SIPA1L3: variants seen among roughly 807,000 people sequenced by gnomAD.
SIPA1L3 encodes the protein signal-induced proliferation-associated 1-like protein 3.
A neutral mutation model predicts 150.1 loss-of-function variants in SIPA1L3; 59 were observed. That is an observed-to-expected ratio of 0.39 (90% CI 0.32 to 0.49). The LOEUF (loss-of-function observed/expected upper bound fraction) is 0.49, where lower values mean the gene tolerates loss of function less well. SIPA1L3 is among the 20% of genes least tolerant of loss of function. SIPA1L3 has a pLI of 0.86. For missense variants in SIPA1L3, 2,211 were observed against 2,489.5 expected (o/e 0.89, Z 2.38); for synonymous variants, 1,070 against 1,077.6 (o/e 0.99, Z 0.14).
At chr19:38,068,081 G>A (rs1969636537) in intron 2 of SIPA1L3, among the ~76,000 whole-genome samples, 1 of 149,826 alleles carries the variant, frequency 6.7e-6, no homozygotes, top group South Asian at 2.1e-4. Flanking sequence ...GGAGTGCAGT[G>A]GCGCTATCTC....
In SIPA1L3 at chr19:38,082,035, G is replaced by C. The variant is rs568548537; in HGVS notation, c.470G>C (p.Arg157Pro). ...KDVEFQDGWP[R>P]SPGRAFLPLR... is the part of the protein sequence containing the mutation. The stretch of plus-strand genomic sequence containing the variant: ...GTGGAGTTCCAGGACGGGTGGCCCC[G>C]GTCCCCCGGCAGGGCCTTCCTCCCC... Residue 157 changes from arginine (R) to proline (P), a missense_variant, in exon 3 of 22, where the codon CGG (arginine) becomes CCG (proline). Arg to Pro is a moderately radical substitution (Grantham distance 103). Around this residue, in one of 5 missense-constraint regions of SIPA1L3, gnomAD observed 587 missense variants for 534.5 expected, o/e 1.10. Transcript: ENST00000222345. 1 of 1,613,904 alleles carries C rather than the reference G, an allele frequency of 6.2e-7. No individual in the cohort carries two copies. Among genetic ancestry groups the C allele is most frequent in the Non-Finnish European group, 8.5e-7 (1 of 1,180,004 alleles).
chr19:38,192,455 G>A (rs1044337972), intron 17 of SIPA1L3, 145 bp downstream of exon 17: 1 of 730,974 alleles, frequency 1.4e-6, no homozygotes, highest in Non-Finnish European at 2.2e-6. Flanking sequence ...TGCCAGTCCT[G>A]TTGGGGGCTA....
In SIPA1L3 at chr19:38,141,361, C is replaced by T; in HGVS notation, c.3321C>T (p.Ala1107=). 32 of 1,613,988 alleles carry T rather than the reference C, an allele frequency of 2.0e-5. No individual in the cohort carries two copies. Among genetic ancestry groups the T allele is most frequent in the Non-Finnish European group, 2.6e-5 (31 of 1,180,010 alleles). Residue 1107 remains alanine, a synonymous_variant, in exon 11 of 22, where the codon GCC becomes GCT. Transcript: ENST00000222345. Reference sequence around the variant, plus strand: ...CCACTCCAACCACTCCCGGCCATGCCCAGTCCCTGAGCCGGCCCCTGAAGC... The same window carrying T: ...CCACTCCAACCACTCCCGGCCATGCTCAGTCCCTGAGCCGGCCCCTGAAGC... ...KWATPTTPGH[A]QSLSRPLKQT...
chr19:38,193,572 G>A lies in SIPA1L3; in HGVS notation c.4632G>A (p.Ser1544=), dbSNP rs772885821. Residue 1544 remains serine, a synonymous_variant, in exon 18 of 22, where the codon TCG becomes TCA. Coordinates refer to ENST00000222345, the MANE Select transcript of SIPA1L3 (RefSeq NM_015073.3). The stretch of plus-strand genomic sequence containing the variant: ...AGAAGGGCCTGCAGCGGACGCTGTC[G>A]GACGAGAGCCTGTGCAGCGGGCGCC... ...SPQKGLQRTL[S]DESLCSGRRE... 34 of 1,531,794 alleles carry A rather than the reference G, an allele frequency of 2.2e-5. No individual in the cohort carries two copies. Among genetic ancestry groups the A allele is most frequent in the Middle Eastern group, 1.7e-4 (1 of 5,740 alleles). The allele number at this position is 1,531,794 out of a possible 1,614,324, so 94.9% of individuals were successfully genotyped here.
At chr19:38,124,290 C>T (rs1421099686) in intron 9 of SIPA1L3, among the ~76,000 whole-genome samples, 25 of 148,444 alleles carry the variant, frequency 1.7e-4, no homozygotes, top group Non-Finnish European at 3.0e-4. Context: ...TCAGACGGGG[C>T]GGCCGGGCAG....
intron 10 of SIPA1L3, among the ~76,000 whole-genome samples, chr19:38,139,424 G>T (rs919739452): frequency 6.6e-6 from 1 of 152,170 alleles, no homozygotes; most frequent in African/African-American, 2.4e-5. Context: ...GAGACACCAG[G>T]CAGGCAGGAA....
intron 2 of SIPA1L3, among the ~76,000 whole-genome samples, chr19:38,045,404 C>A (rs1969032540): frequency 6.8e-6 from 1 of 147,892 alleles, no homozygotes; most frequent in African/African-American, 2.5e-5. Context: ...ACCAAATAAT[C>A]ACTCAGCCAC....
intron 4 of SIPA1L3, among the ~76,000 whole-genome samples, chr19:38,089,432 C>T (rs139949618): frequency 7.2e-5 from 11 of 152,062 alleles, no homozygotes; most frequent in Non-Finnish European, 1.3e-4. Flanking sequence ...GACTTCAGAG[C>T]CCAACATTAC....
chr19:38,108,056 C>T (rs888412617), intron 7 of SIPA1L3, among the ~76,000 whole-genome samples: 1 of 152,054 alleles, frequency 6.6e-6, no homozygotes, highest in Non-Finnish European at 1.5e-5. Flanking sequence ...TTGGCTACTT[C>T]CTAGCTGTGT....
At chr19:38,131,872 C>T (rs1320672580) in intron 10 of SIPA1L3, 2 of 111,408 alleles carry the variant, frequency 1.8e-5, no homozygotes, top group Admixed American at 9.8e-5. Flanking sequence ...TCCTCGTGAT[C>T]CACGTGCCTC....
chr19:37,988,576 T>C (rs1967420757), intron 1 of SIPA1L3, among the ~76,000 whole-genome samples: 1 of 152,086 alleles, frequency 6.6e-6, no homozygotes, highest in African/African-American at 2.4e-5. Flanking sequence ...CTCGGGAGGC[T>C]GAGGCAGGAG....
At chr19:38,120,208 A>G (rs976816770) in intron 9 of SIPA1L3, among the ~76,000 whole-genome samples, 3 of 151,960 alleles carry the variant, frequency 2.0e-5, no homozygotes, top group Non-Finnish European at 2.9e-5. Context: ...CCTGTAATCT[A>G]TCTCAGCACT....
chr19:38,087,593 G>A (rs1970162322), intron 3 of SIPA1L3, among the ~76,000 whole-genome samples: 1 of 152,178 alleles, frequency 6.6e-6, no homozygotes, highest in Non-Finnish European at 1.5e-5. Flanking sequence ...ACATCAGGAA[G>A]AACTATTTGC....
Position 37,946,006 on chromosome 19 carries a change from T to A in SIPA1L3, c.-379+38648T>A, listed in dbSNP as rs535189092. ...CCCGTCTCTACTAAAGATACAAAAA[T>A]TAGCCTGGCGTGGTGGCAAGCGCCT... On this transcript the variant is annotated intron_variant, in intron 1 of 21. Transcript: ENST00000222345. 2.0e-5 allele frequency among the ~76,000 whole-genome samples: 3 copies of A among 151,678 alleles called. No homozygotes were observed. The South Asian group carries it at 6.3e-4, about 32-fold the overall frequency.
chr19:38,167,693 G>A (rs1396432364), intron 15 of SIPA1L3, among the ~76,000 whole-genome samples: 1 of 152,084 alleles, frequency 6.6e-6, no homozygotes, highest in Non-Finnish European at 1.5e-5. Flanking sequence ...CCCCTAAGTA[G>A]CTGAGACTAC....
intron 2 of SIPA1L3, among the ~76,000 whole-genome samples, chr19:38,053,490 A>C (rs1423616934): frequency 1.3e-5 from 2 of 152,152 alleles, no homozygotes; most frequent in Non-Finnish European, 2.9e-5. Context: ...GTGGTCACCT[A>C]TGCCAGGCTG....
At chr19:38,111,412 C>A (rs536130830) in intron 8 of SIPA1L3, among the ~76,000 whole-genome samples, 1 of 152,132 alleles carries the variant, frequency 6.6e-6, no homozygotes, top group Non-Finnish European at 1.5e-5. Context: ...GTGGAGTCAT[C>A]TCCTGTCCTC....
chr19:38,173,360 C>T (rs555381184), intron 15 of SIPA1L3, among the ~76,000 whole-genome samples: 2 of 152,372 alleles, frequency 1.3e-5, no homozygotes, highest in East Asian at 3.9e-4. Flanking sequence ...TCCCTCCAGA[C>T]ATTCGTCATG....
intron 18 of SIPA1L3, among the ~76,000 whole-genome samples, chr19:38,197,083 C>G (rs974705729): frequency 1.3e-5 from 2 of 152,128 alleles, no homozygotes; most frequent in Admixed American, 6.5e-5. Flanking sequence ...GCGCCTCGCT[C>G]GGGTCTCAGT....
Sources: gnomAD v4.1 joint callset for allele counts (sites outside exome capture counted in the v4.1 genomes callset) on GRCh38, gnomAD v4.1.1 for gene constraint, gnomAD v4.1.1 regional missense constraint, MANE v1.5 for transcripts, NCBI Gene and HGNC (gene_info 2026-07-23, HGNC 2026-07-21) for gene names.